ADGRL2: variants seen among roughly 807,000 people sequenced by gnomAD.
The protein encoded by ADGRL2 is calcium-independent alpha-latrotoxin receptor 2.
In ADGRL2, 44 loss-of-function variants were observed where a neutral mutation model predicts 157.4. The ratio of observed to expected loss-of-function variants is 0.28; its 90% CI spans 0.22 to 0.36. The LOEUF (loss-of-function observed/expected upper bound fraction) is 0.36, where lower values mean the gene tolerates loss of function less well. ADGRL2 is among the 10% of genes least tolerant of loss of function. The probability of loss-of-function intolerance (pLI) is 1.00; values close to 1 mark genes in which losing one functional copy is unlikely to be tolerated. For missense variants in ADGRL2, 1,510 were observed against 1,768.9 expected, an observed-to-expected ratio of 0.85 and a Z score of 2.63; for synonymous variants, 585 against 624.7, an observed-to-expected ratio of 0.94 and a Z score of 0.95.
At chr1:81,455,177 C>T (rs1482499851) in intron 2 of ADGRL2, among the ~76,000 whole-genome samples, 5 of 152,156 alleles carry the variant, frequency 3.3e-5, no homozygotes, top group East Asian at 1.9e-4. Flanking sequence ...TATTCTTTCC[C>T]GGGTTATTTT....
At chr1:81,788,816 A>G (rs1397697143) in intron 2 of ADGRL2, among the ~76,000 whole-genome samples, 1 of 152,092 alleles carries the variant, frequency 6.6e-6, no homozygotes, top group Non-Finnish European at 1.5e-5. Flanking sequence ...TTCAGGTTCA[A>G]GTGATTCTCC....
At chr1:81,640,498 GGCGGGTGCCTGTAGTCCCA>G (rs1367077574) in intron 3 of ADGRL2, among the ~76,000 whole-genome samples, 2 of 151,950 alleles carry the variant, frequency 1.3e-5, no homozygotes, top group Non-Finnish European at 2.9e-5. Context: ...TGGGCGTGGT[GGCGGGTGCCTGTAGTCCCA>G]GCTACTTGGG....
chr1:81,739,373 C>T (rs2149215718), intron 1 of ADGRL2, among the ~76,000 whole-genome samples: 1 of 152,224 alleles, frequency 6.6e-6, no homozygotes, highest in Middle Eastern at 3.4e-3. Flanking sequence ...ACAACAGTAC[C>T]AGCATATAGT....
In ADGRL2 at chr1:81,574,224, TGGGGGA is replaced by T. The variant is rs1214064948; in HGVS notation, c.-247-6637_-247-6632del. ...AGTGAATACTTATAGAAGTGGGTGGTGGGGGAGGGGGAGGGGGAGGATGAAAATGAA... is the reference window on the plus strand; with the variant it reads ...AGTGAATACTTATAGAAGTGGGTGGTGGGGGAGGGGGAGGATGAAAATGAA... On this transcript the variant is annotated intron_variant, in intron 2 of 24. Coordinates refer to the ADGRL2 transcript ENST00000370721. Among the ~76,000 whole-genome samples, 9 of 35,372 alleles carry T rather than the reference TGGGGGA, an allele frequency of 2.5e-4. No individual in the cohort carries two copies. In the Admixed American group the frequency reaches 2.6e-3, roughly 10 times the overall value. 23.2% of individuals were successfully genotyped at this position (35,372 alleles called of 152,430 possible). A position where few individuals can be genotyped will look rare whatever the true frequency, so the allele number is the denominator to read the frequency against.
At chr1:81,471,394 C>T (rs79462703) in intron 2 of ADGRL2, among the ~76,000 whole-genome samples, 2,077 of 152,054 alleles carry the variant, frequency 0.014, 28 homozygotes, top group African/African-American at 0.027. Flanking sequence ...ATTAAGCTAC[C>T]CCACATGCTT....
At chr1:81,712,750 C>T (rs942038787) in intron 1 of ADGRL2, among the ~76,000 whole-genome samples, 2 of 140,180 alleles carry the variant, frequency 1.4e-5, no homozygotes, top group Admixed American at 8.0e-5. Context: ...TTACCTGGAT[C>T]GCGGATTTTT....
intron 3 of ADGRL2, among the ~76,000 whole-genome samples, chr1:81,648,677 C>T (rs984196138): frequency 6.6e-6 from 1 of 152,072 alleles, no homozygotes; most frequent in Admixed American, 6.6e-5. Context: ...GATGGGTTAG[C>T]TTTGCACAGC....
In ADGRL2 at chr1:81,629,667, ATGTGTGTGTGTG is replaced by A. The variant is rs60497907; in HGVS notation, c.-143+48707_-143+48718del. Among the ~76,000 whole-genome samples the A allele has an allele frequency of 1.5e-4, 22 of 149,280 alleles. No individual in the cohort carries two copies. The South Asian group carries it at 2.5e-3, about 17-fold the overall frequency. Reference sequence around the variant, plus strand: ...TTGTTAAATGAATGAATGAATGTATATGTGTGTGTGTGTGTGTGTGTGTGTGTGTGTATGTAG... The same window carrying A: ...TTGTTAAATGAATGAATGAATGTATATGTGTGTGTGTGTGTGTGTATGTAG... On this transcript the variant is annotated intron_variant, in intron 3 of 24. Coordinates refer to the ADGRL2 transcript ENST00000370721.
chr1:81,521,004 A>C (rs17482755), intron 2 of ADGRL2, among the ~76,000 whole-genome samples: 2,615 of 152,318 alleles, frequency 0.017, 43 homozygotes, highest in South Asian at 0.058. Flanking sequence ...CCTAACTTTT[A>C]AAATAAGCCA....
intron 12 of ADGRL2, 90 bp from the exon 13 acceptor site, chr1:81,966,314 C>T: frequency 6.6e-7 from 1 of 1,508,584 alleles, no homozygotes; most frequent in Non-Finnish European, 9.1e-7. Flanking sequence ...AAAACAGTGC[C>T]TTAGGACTTC....
chr1:81,487,119 T>A (rs9728474), intron 2 of ADGRL2, among the ~76,000 whole-genome samples: 121,025 of 143,772 alleles, frequency 0.84, 52,623 homozygotes, highest in East Asian at 1. Context: ...AGAAAGTAAA[T>A]CAGCCAGGTG....
chr1:81,930,004 CA>C (rs2095193136), intron 3 of ADGRL2, among the ~76,000 whole-genome samples: 1 of 152,126 alleles, frequency 6.6e-6, no homozygotes. Flanking sequence ...ATTAAGTAAG[CA>C]GCTGACCTGG....
At chr1:81,515,266 T>C (rs1165333129) in intron 2 of ADGRL2, 1 of 152,182 alleles carries the variant, frequency 6.6e-6, no homozygotes, top group African/African-American at 2.4e-5. Flanking sequence ...GGGATGGTTA[T>C]ATAAAAGAAT....
chr1:81,556,806 G>A (rs1028437065), intron 2 of ADGRL2, among the ~76,000 whole-genome samples: 7 of 151,828 alleles, frequency 4.6e-5, no homozygotes, highest in African/African-American at 1.7e-4. Context: ...GGCCAGGCGC[G>A]GTGGTTCACA....
At chr1:81,409,366 C>A (rs1056217455) in intron 1 of ADGRL2, among the ~76,000 whole-genome samples, 1 of 152,170 alleles carries the variant, frequency 6.6e-6, no homozygotes, top group African/African-American at 2.4e-5. Context: ...CACTGAAATA[C>A]ATATTTTGAA....
chr1:81,622,307 G>A (rs576904578), intron 3 of ADGRL2, among the ~76,000 whole-genome samples: 1 of 152,234 alleles, frequency 6.6e-6, no homozygotes, highest in East Asian at 1.9e-4. Flanking sequence ...TTTTGGCCGG[G>A]CACGGTAGCT....
chr1:81,611,209 A>C (rs964451403), intron 3 of ADGRL2, among the ~76,000 whole-genome samples: 30 of 152,326 alleles, frequency 2.0e-4, no homozygotes, highest in African/African-American at 6.7e-4. Context: ...AAGCCCTACT[A>C]GAACAGTCAC....
chr1:81,658,153 T>C (rs765542116), intron 3 of ADGRL2, among the ~76,000 whole-genome samples: 2 of 152,222 alleles, frequency 1.3e-5, no homozygotes, highest in Non-Finnish European at 2.9e-5. Context: ...TGGAGTGCAG[T>C]GGTGCAGTCT....
intron 2 of ADGRL2, among the ~76,000 whole-genome samples, chr1:81,542,227 G>T (rs934606743): frequency 8.5e-5 from 13 of 152,164 alleles, no homozygotes; most frequent in African/African-American, 3.1e-4. Flanking sequence ...CTTGTGGATG[G>T]TAACGTGTAT....
Sources: allele counts gnomAD v4.1 joint callset (sites outside exome capture counted in the v4.1 genomes callset), GRCh38; gene constraint gnomAD v4.1.1; transcripts MANE v1.5; gene names NCBI Gene and HGNC (gene_info 2026-07-23, HGNC 2026-07-21).